UGT1A4: variants seen among roughly 807,000 people sequenced by gnomAD.
The protein encoded by UGT1A4 is UDP-glucuronosyltransferase 1A4.
In UGT1A4, 32 loss-of-function variants were observed where a neutral mutation model predicts 41.1. The ratio of observed to expected loss-of-function variants is 0.78; its 90% confidence interval spans 0.59 to 1.05. UGT1A4 has a LOEUF of 1.05. Ranked by LOEUF, UGT1A4 falls within the 50% of genes least tolerant of loss-of-function variation. The pLI, the probability that UGT1A4 is intolerant of heterozygous loss-of-function variation, is 0.00. For missense variants in UGT1A4, 748 were observed against 677.4 expected, an observed-to-expected ratio of 1.10 and a Z score of -1.16; for synonymous variants, 283 against 265.1, an observed-to-expected ratio of 1.07 and a Z score of -0.66.
chr2:233,751,617 G>A (rs1403670547), intron 1 of UGT1A4, among the ~76,000 whole-genome samples: 1 of 152,198 alleles, frequency 6.6e-6, no homozygotes, highest in African/African-American at 2.4e-5. Flanking sequence ...GGAGGTGATT[G>A]GATCATGTGT....
chr2:233,723,612 A>G (rs2077104737), intron 1 of UGT1A4, among the ~76,000 whole-genome samples: 1 of 100,308 alleles, frequency 1.0e-5, no homozygotes, highest in Admixed American at 1.1e-4. Context: ...ACAATAGTGG[A>G]GGGAAGGTCA....
intron 1 of UGT1A4, chr2:233,743,719 G>A (rs757280255): frequency 2.2e-6 from 3 of 1,367,368 alleles, no homozygotes; most frequent in East Asian, 9.1e-5. Context: ...CGCCATAGCG[G>A]TCATAGATAT....
chr2:233,747,214 A>T, intron 1 of UGT1A4: 1 of 1,605,452 alleles, frequency 6.2e-7, no homozygotes, highest in Non-Finnish European at 8.5e-7. Flanking sequence ...TTCTGCTGAG[A>T]TGGCCACAGG....
chr2:233,756,464 C>T (rs1262627096), intron 1 of UGT1A4: 3 of 151,912 alleles, frequency 2.0e-5, no homozygotes, highest in African/African-American at 7.3e-5. Context: ...TTTCAATCTG[C>T]TGTTGGCTGA....
intron 1 of UGT1A4, among the ~76,000 whole-genome samples, chr2:233,759,599 A>ACCCCCCCCCCC (rs1553620419): frequency 8.2e-4 from 89 of 108,630 alleles, no homozygotes; most frequent in African/African-American, 1.6e-3. Context: ...CCCACCCCCG[A>ACCCCCCCCCCC]CCCGCCCCAC....
chr2:233,726,536 A>G (rs956435699), intron 1 of UGT1A4, among the ~76,000 whole-genome samples: 1 of 152,196 alleles, frequency 6.6e-6, no homozygotes, highest in African/African-American at 2.4e-5. Flanking sequence ...AGGGAGATGC[A>G]GTGCAGCGTC....
chr2:233,768,401 T>C lies in UGT1A4; in HGVS notation c.1269T>C (p.Asp423=), dbSNP rs767318575. The change falls in exon 4 of 5, where the codon GAT becomes GAC. Residue 423 remains aspartate (D), a synonymous_variant. Coordinates refer to ENST00000373409, the MANE Select transcript of UGT1A4 (RefSeq NM_007120.3). ...TLNVLEMTSE[D]LENALKAVIN... is the part of the protein sequence containing the mutation. The stretch of plus-strand genomic sequence containing the variant: ...ATGTTCTGGAAATGACTTCTGAAGA[T>C]TTAGAAAATGCTCTAAAAGCAGTCA... 1 of 1,614,148 alleles carries C rather than the reference T, an allele frequency of 6.2e-7. No homozygotes were observed. The highest frequency in any genetic ancestry group is 1.3e-5 in the African/African-American group (1 of 75,034).
chr2:233,760,544 A>C (rs1287938183), intron 1 of UGT1A4: 1 of 1,614,126 alleles, frequency 6.2e-7, no homozygotes, highest in Non-Finnish European at 8.5e-7. Flanking sequence ...TTCCAAAGGG[A>C]GGATGTGAAA....
At chr2:233,768,527 T>C in intron 4 of UGT1A4, 88 bp downstream of exon 4, 2 of 1,515,488 alleles carry the variant, frequency 1.3e-6, no homozygotes, top group South Asian at 2.6e-5. Context: ...TAGCATTTAA[T>C]AGCGTTGTTT....
chr2:233,755,188 G>A (rs1436949079), intron 1 of UGT1A4: 2 of 1,163,192 alleles, frequency 1.7e-6, no homozygotes, highest in Admixed American at 1.9e-5. Flanking sequence ...TGCCACTTGA[G>A]CGCCAGCTTG....
At chr2:233,747,966 G>C in intron 1 of UGT1A4, 17 of 1,613,448 alleles carry the variant, frequency 1.1e-5, no homozygotes, top group Non-Finnish European at 1.4e-5. Context: ...TCTCAGCCAT[G>C]CATCTGTGTG....
At chr2:233,747,840 A>T in intron 1 of UGT1A4, 1 of 1,613,552 alleles carries the variant, frequency 6.2e-7, no homozygotes, top group South Asian at 1.1e-5. Flanking sequence ...ATTCCTGCAA[A>T]GGGTCAAGAA....
Position 233,718,755 on chromosome 2 carries a change from C to T in UGT1A4, c.-66C>T, listed in dbSNP as rs372600165. 8.4e-5 allele frequency: 135 copies of T among 1,612,200 alleles called. 1 individual carries two copies. The highest frequency in any genetic ancestry group is 4.7e-4 in the African/African-American group (35 of 74,854). On this transcript the variant is annotated 5_prime_UTR_variant, in exon 1 of 5. Coordinates refer to ENST00000373409, the MANE Select transcript of UGT1A4 (RefSeq NM_007120.3). ...TGGCTCAATGACAAGGTAATTAAGGCGAAGGAAACAAATGTAGCAGGCACA... is the reference window on the plus strand; with the variant it reads ...TGGCTCAATGACAAGGTAATTAAGGTGAAGGAAACAAATGTAGCAGGCACA...
At chr2:233,746,037 G>A (rs1056217183) in intron 1 of UGT1A4, among the ~76,000 whole-genome samples, 1 of 151,708 alleles carries the variant, frequency 6.6e-6, no homozygotes, top group African/African-American at 2.4e-5. Context: ...CTTACTTGCT[G>A]GCTTGGATGC....
In UGT1A4 at chr2:233,719,579, C is replaced by T. The variant is rs112157197; in HGVS notation, c.759C>T (p.Ser253=). ...VSVVDLVSYA[S]VWLFRGDFVM... ...TGGTGGATCTTGTCAGCTATGCATC[C>T]GTGTGGCTGTTCCGAGGGGACTTTG... The change falls in exon 1 of 5, where the codon TCC becomes TCT. Residue 253 remains serine (S), a synonymous_variant. Transcript: ENST00000373409. 5.0e-5 allele frequency: 80 copies of T among 1,613,916 alleles called. No individual in the cohort carries two copies. Among genetic ancestry groups the T allele is most frequent in the South Asian group, 2.2e-4 (20 of 91,072 alleles).
chr2:233,743,421 G>A (rs1692287450), intron 1 of UGT1A4: 1 of 1,339,950 alleles, frequency 7.5e-7, no homozygotes, highest in African/African-American at 1.5e-5. Flanking sequence ...TTCCCAGGGA[G>A]CCAAAGGAAC....
rs764097812 is a variant in UGT1A4 at position 233,719,154 on chromosome 2, A to G, written c.334A>G (p.Arg112Gly). 40 of 1,614,150 alleles carry G rather than the reference A, an allele frequency of 2.5e-5. No homozygotes were observed. Among genetic ancestry groups the G allele is most frequent in the Non-Finnish European group, 3.1e-5 (37 of 1,180,060 alleles). The change falls in exon 1 of 5, where the codon AGA becomes GGA. Residue 112 changes from arginine (R) to glycine (G), a missense_variant. Physicochemically the swap from Arg to Gly is moderately radical, Grantham distance 125. Transcript: ENST00000373409. ...AGAACATCTTCTGAAGAGATATTCT[A>G]GAAGTATGGCAATTATGAACAATGT... ...ETEHLLKRYS[R>G]SMAIMNNVSL...
chr2:233,772,669 CA>C lies in UGT1A4; in HGVS notation c.*111del. On this transcript the variant is annotated 3_prime_UTR_variant, in exon 5 of 5. Coordinates refer to ENST00000373409, the MANE Select transcript of UGT1A4 (RefSeq NM_007120.3). ...TTATTCTTATTAAGGAAATACTTTG[CA>C]TAAATTAATCAGCCCCAGAGTGCTT... 6.5e-7 allele frequency: 1 copy of C among 1,536,408 alleles called. No individual in the cohort carries two copies. The highest frequency in any genetic ancestry group is 1.4e-5 in the African/African-American group (1 of 72,618).
At chr2:233,747,077 T>G (rs1575680795) in intron 1 of UGT1A4, 1 of 1,083,878 alleles carries the variant, frequency 9.2e-7, no homozygotes, top group East Asian at 2.9e-5. Flanking sequence ...AATAATTAAC[T>G]AGGAGGAGAG....
Sources: allele counts gnomAD v4.1 joint callset (sites outside exome capture counted in the v4.1 genomes callset), GRCh38; gene constraint gnomAD v4.1.1; transcripts MANE v1.5; gene names NCBI Gene and HGNC (gene_info 2026-07-23, HGNC 2026-07-21).